DYNC2LI1: variants seen among roughly 807,000 people sequenced by gnomAD.
DYNC2LI1 encodes dynein cytoplasmic 2 light intermediate chain 1, also known as cytoplasmic dynein 2 light intermediate chain 1.
Under a neutral mutation model 51.9 loss-of-function variants are expected in DYNC2LI1, and 45 were observed. That is an observed-to-expected ratio of 0.87 (90% confidence interval 0.68 to 1.11). DYNC2LI1 has a LOEUF of 1.11. Ranked by LOEUF, DYNC2LI1 falls within the 50% of genes most tolerant of loss-of-function variation. The probability of loss-of-function intolerance (pLI) is 0.00; values close to 1 mark genes in which losing one functional copy is unlikely to be tolerated. For synonymous variants in DYNC2LI1, 130 were observed against 137.8 expected (o/e 0.94, Z 0.40); for missense variants, 490 against 417.4 (o/e 1.17, Z -1.51).
At chr2:43,824,036 G>A in the DYNC2LI1 span, 1 of 1,614,208 alleles carries the variant, frequency 6.2e-7, no homozygotes, top group South Asian at 1.1e-5. Context: ...ACGAAGAAAA[G>A]GAGGAACAAA....
At chr2:43,820,402 G>A in the DYNC2LI1 span, among the ~76,000 whole-genome samples, 2 of 152,258 alleles carry the variant, frequency 1.3e-5, no homozygotes, top group African/African-American at 4.8e-5. Context: ...GCAGTAAGCA[G>A]GCTTGTTGAA....
the DYNC2LI1 span, among the ~76,000 whole-genome samples, chr2:43,825,947 T>C: frequency 1.3e-5 from 2 of 152,166 alleles, no homozygotes; most frequent in Non-Finnish European, 1.5e-5. Context: ...TCTCAGGAGC[T>C]GTTGGCTCCA....
intron 1 of DYNC2LI1, 22 bp from the exon 2 acceptor site, chr2:43,776,760 G>C (rs762604484): frequency 8.1e-7 from 1 of 1,241,936 alleles, no homozygotes; most frequent in East Asian, 2.5e-5. Context: ...CCTCAATTTT[G>C]TTTTTTCTGC....
chr2:43,796,903 G>C lies in DYNC2LI1; in HGVS notation c.654+108G>C, dbSNP rs975173550. 6 of 823,230 alleles carry C rather than the reference G, an allele frequency of 7.3e-6. 1 individual carries two copies. Among genetic ancestry groups the C allele is most frequent in the African/African-American group, 3.4e-5 (2 of 59,052 alleles). 51.0% of individuals were successfully genotyped at this position (823,230 alleles called of 1,614,324 possible). On this transcript the variant is annotated intron_variant, in intron 8 of 12. Transcript: ENST00000260605. ...AATAAATGCTTTTGCTAATGCACATGGTCCCGTTGCTTTCCCACTGCTGAA... is the reference window on the plus strand; with the variant it reads ...AATAAATGCTTTTGCTAATGCACATCGTCCCGTTGCTTTCCCACTGCTGAA...
At chr2:43,823,799 G>A in the DYNC2LI1 span, 6 of 1,236,728 alleles carry the variant, frequency 4.9e-6, no homozygotes, top group Non-Finnish European at 6.7e-6. Flanking sequence ...CCTGGAGAGG[G>A]CTGGGTTTAG....
chr2:43,776,373 T>G (rs1572690900), intron 1 of DYNC2LI1, among the ~76,000 whole-genome samples: 2 of 152,320 alleles, frequency 1.3e-5, no homozygotes, highest in East Asian at 1.9e-4. Flanking sequence ...GAGGAAAGAT[T>G]ATTTGATACA....
chr2:43,822,718 G>A, the DYNC2LI1 span: 12 of 1,468,136 alleles, frequency 8.2e-6, no homozygotes, highest in African/African-American at 1.6e-5. Context: ...ACTTCACCCT[G>A]GAGCTCTCCC....
chr2:43,774,630 A>T lies in DYNC2LI1; in HGVS notation c.8+484A>T, dbSNP rs561178141. 6.6e-5 allele frequency among the ~76,000 whole-genome samples: 10 copies of T among 152,324 alleles called. No homozygotes were observed. The East Asian group carries it at 1.9e-3, about 29-fold the overall frequency. On this transcript the variant is annotated intron_variant, in intron 1 of 12. Coordinates refer to ENST00000260605, the MANE Select transcript of DYNC2LI1 (RefSeq NM_016008.4). The stretch of plus-strand genomic sequence containing the variant: ...GTTCAATTCTATGATATTCATTTTA[A>T]TTACCTGTTCACAAGATATTCCTAA...
chr2:43,818,154 C>T, the DYNC2LI1 span, among the ~76,000 whole-genome samples: 1 of 152,010 alleles, frequency 6.6e-6, no homozygotes, highest in Non-Finnish European at 1.5e-5. Context: ...TATGGCTACT[C>T]AAAATACAGT....
chr2:43,783,705 C>T (rs1489570510), intron 3 of DYNC2LI1, 151 bp downstream of exon 3: 13 of 493,620 alleles, frequency 2.6e-5, no homozygotes, highest in South Asian at 1.0e-4. Flanking sequence ...CCTTTAAGAG[C>T]GCCTTTAAAT....
intron 5 of DYNC2LI1, among the ~76,000 whole-genome samples, chr2:43,791,663 A>T (rs1344148682): frequency 1.3e-5 from 2 of 152,228 alleles, no homozygotes; most frequent in Non-Finnish European, 2.9e-5. Context: ...ACTGTTTTTG[A>T]CTGGAATTAG....
the DYNC2LI1 span, chr2:43,820,004 T>G: frequency 1.2e-6 from 2 of 1,614,162 alleles, no homozygotes; most frequent in Admixed American, 1.7e-5. Flanking sequence ...CGATACCAAG[T>G]AGCACAAGAG....
rs6721551 is a variant in DYNC2LI1, at chr2:43,801,460, A to G, written c.732-179A>G. The G allele has an allele frequency of 9.9e-3, 4,545 of 461,322 alleles. 182 individuals are homozygous for G. The highest frequency in any genetic ancestry group is 0.082 in the African/African-American group (4,081 of 49,714). 28.6% of individuals were successfully genotyped at this position (461,322 alleles called of 1,614,324 possible). ...TTTTTTTCCTATAAAATGTTTATTTATGCTATATGTTAATTTTTGAAATCA... is the reference window on the plus strand; with the variant it reads ...TTTTTTTCCTATAAAATGTTTATTTGTGCTATATGTTAATTTTTGAAATCA... On this transcript the variant is annotated intron_variant, in intron 9 of 12. Transcript: ENST00000260605.
At chr2:43,822,649 G>A in the DYNC2LI1 span, 3 of 1,538,638 alleles carry the variant, frequency 1.9e-6, no homozygotes, top group South Asian at 3.6e-5. Flanking sequence ...TAATGTCCTG[G>A]AAGATACGAC....
downstream of DYNC2LI1, chr2:43,813,231 G>T: frequency 6.2e-7 from 1 of 1,613,620 alleles, no homozygotes; most frequent in Non-Finnish European, 8.5e-7. Context: ...TGTTGCACCT[G>T]GGCAGGTTTT....
chr2:43,779,752 A>G (rs1279874883), intron 2 of DYNC2LI1, among the ~76,000 whole-genome samples: 1 of 152,230 alleles, frequency 6.6e-6, no homozygotes, highest in African/African-American at 2.4e-5. Context: ...TATGAAACAG[A>G]TATTCCAACA....
chr2:43,814,457 TC>T, downstream of DYNC2LI1: 1 of 1,489,860 alleles, frequency 6.7e-7, no homozygotes, highest in Non-Finnish European at 9.4e-7. Flanking sequence ...AAAAATAATA[TC>T]CCCAAATAGA....
chr2:43,799,396 C>T (rs1665999637), intron 8 of DYNC2LI1, among the ~76,000 whole-genome samples: 1 of 152,074 alleles, frequency 6.6e-6, no homozygotes, highest in Non-Finnish European at 1.5e-5. Flanking sequence ...ATGGCAGGGA[C>T]TTAAAATTAT....
At chr2:43,827,922 A>T in the DYNC2LI1 span, 45 of 1,607,998 alleles carry the variant, frequency 2.8e-5, no homozygotes, top group Middle Eastern at 1.2e-3. Flanking sequence ...GGCCCAAAGT[A>T]TCTGCACACA....
Sources: gnomAD v4.1 joint callset for allele counts (sites outside exome capture counted in the v4.1 genomes callset) on GRCh38, gnomAD v4.1.1 for gene constraint, MANE v1.5 for transcripts, NCBI Gene and HGNC (gene_info 2026-07-23, HGNC 2026-07-21) for gene names.